MICU3: variants seen among roughly 807,000 people sequenced by gnomAD.
MICU3 encodes mitochondrial calcium uptake 3, also known as calcium uptake protein 3, mitochondrial.
MICU3 carries 62 observed loss-of-function variants against 66.5 expected under a neutral mutation model. The ratio of observed to expected loss-of-function variants is 0.93; its 90% CI spans 0.76 to 1.15. MICU3 has a LOEUF of 1.15. Ranked by LOEUF, MICU3 falls within the 50% of genes most tolerant of loss-of-function variation. The probability of loss-of-function intolerance (pLI) is 0.00; values close to 1 mark genes in which losing one functional copy is unlikely to be tolerated. For synonymous variants in MICU3, 308 were observed against 240.7 expected (o/e 1.28, Z -2.59); for missense variants, 779 against 664.4 (o/e 1.17, Z -1.90).
At chr8:17,105,640 A>G (rs759371725) in intron 11 of MICU3, 56 bp downstream of exon 11, 22 of 1,017,608 alleles carry the variant, frequency 2.2e-5, no homozygotes, top group South Asian at 6.1e-5. Context: ...ACGTGCCTCT[A>G]AAACACATTG....
intron 1 of MICU3, among the ~76,000 whole-genome samples, chr8:17,043,852 A>T (rs1007587219): frequency 6.6e-6 from 1 of 152,248 alleles, no homozygotes; most frequent in Admixed American, 6.5e-5. Context: ...AGAGAAAGGT[A>T]AAATATATCC....
At chr8:17,047,651 C>G (rs892535887) in intron 1 of MICU3, among the ~76,000 whole-genome samples, 4 of 152,158 alleles carry the variant, frequency 2.6e-5, no homozygotes, top group African/African-American at 7.2e-5. Context: ...AGACAGAAGC[C>G]AGAGGACAGT....
chr8:17,027,790 C>T (rs1264672867), intron 1 of MICU3, 130 bp downstream of exon 1: 1 of 1,148,386 alleles, frequency 8.7e-7, no homozygotes, highest in Non-Finnish European at 1.1e-6. Context: ...GTGAGCGAGG[C>T]TGACACCTAG....
At chr8:17,040,358 T>C (rs1432979732) in intron 1 of MICU3, among the ~76,000 whole-genome samples, 3 of 152,220 alleles carry the variant, frequency 2.0e-5, no homozygotes, top group African/African-American at 7.2e-5. Context: ...AGAAATAAAT[T>C]ACAATTTTTC....
At chr8:17,031,257 C>T (rs1272840421) in intron 1 of MICU3, among the ~76,000 whole-genome samples, 1 of 106,272 alleles carries the variant, frequency 9.4e-6, no homozygotes, top group African/African-American at 4.1e-5. Flanking sequence ...TATGCTGCCA[C>T]TTCATTTATT....
At chr8:17,133,809 A>G in the MICU3 span, among the ~76,000 whole-genome samples, 1 of 152,146 alleles carries the variant, frequency 6.6e-6, no homozygotes, top group Non-Finnish European at 1.5e-5. Flanking sequence ...ATTTAAAAAG[A>G]TTTTTACATA....
intron 1 of MICU3, among the ~76,000 whole-genome samples, chr8:17,038,286 C>T (rs1247204090): frequency 6.6e-6 from 1 of 151,998 alleles, no homozygotes; most frequent in East Asian, 1.9e-4. Flanking sequence ...ATAATTGAAT[C>T]GTGGGGGTGG....
chr8:17,101,584 G>T (rs554834669), intron 9 of MICU3, among the ~76,000 whole-genome samples: 1 of 151,806 alleles, frequency 6.6e-6, no homozygotes, highest in Non-Finnish European at 1.5e-5. Context: ...AAAACTGGCC[G>T]AATGAGGTCA....
chr8:17,042,931 ATTTTT>A (rs996846253), intron 1 of MICU3, among the ~76,000 whole-genome samples: 886 of 82,106 alleles, frequency 0.011, 5 homozygotes, highest in African/African-American at 0.046. Context: ...ATTCAAAGTG[ATTTTT>A]TTTTTTTTTT....
At chr8:17,069,166 C>G (rs992252431) in intron 2 of MICU3, among the ~76,000 whole-genome samples, 3 of 151,994 alleles carry the variant, frequency 2.0e-5, no homozygotes, top group East Asian at 3.9e-4. Context: ...ACAAGTTTCC[C>G]CATCACTTTG....
At chr8:17,050,213 C>T (rs903252424) in intron 1 of MICU3, among the ~76,000 whole-genome samples, 1 of 152,038 alleles carries the variant, frequency 6.6e-6, no homozygotes, top group African/African-American at 2.4e-5. Context: ...AGATTTACTT[C>T]TACATGTAGT....
the MICU3 span, among the ~76,000 whole-genome samples, chr8:17,133,275 C>G: frequency 1.3e-5 from 2 of 152,186 alleles, no homozygotes; most frequent in Non-Finnish European, 2.9e-5. Flanking sequence ...TCCAATCAAA[C>G]TGCTCCACTA....
At chr8:17,137,705 CTTTTTTTTTT>C in the MICU3 span, among the ~76,000 whole-genome samples, 1 of 102,884 alleles carries the variant, frequency 9.7e-6, no homozygotes, top group Non-Finnish European at 2.1e-5. Context: ...TTTTCTTTTC[CTTTTTTTTTT>C]TTTTTTTTTT....
intron 1 of MICU3, among the ~76,000 whole-genome samples, chr8:17,034,540 C>G (rs530093802): frequency 1.3e-5 from 2 of 152,292 alleles, no homozygotes; most frequent in African/African-American, 2.4e-5. Context: ...ATTTACCATT[C>G]TAGATGCCAT....
intron 3 of MICU3, among the ~76,000 whole-genome samples, chr8:17,071,730 G>C (rs1466477006): frequency 6.6e-6 from 1 of 152,040 alleles, no homozygotes; most frequent in Non-Finnish European, 1.5e-5. Context: ...ATTGCTACTG[G>C]ATATAACAGC....
In MICU3 at chr8:17,041,472, G is replaced by A. The variant is rs894047635; in HGVS notation, c.381+13812G>A. ...GGAGGTGATAATCAGATTACAGTTG[G>A]ATAAGCTGAGTAAATGTGAAGAAAA... On this transcript the variant is annotated intron_variant, in intron 1 of 14. Coordinates refer to ENST00000318063, the MANE Select transcript of MICU3 (RefSeq NM_181723.3). 9.2e-5 allele frequency among the ~76,000 whole-genome samples: 14 copies of A among 152,262 alleles called. 1 individual carries two copies. The highest frequency in any genetic ancestry group is 2.9e-4 in the African/African-American group (12 of 41,552).
At chr8:17,135,737 T>A in the MICU3 span, among the ~76,000 whole-genome samples, 1 of 152,094 alleles carries the variant, frequency 6.6e-6, no homozygotes, top group African/African-American at 2.4e-5. Context: ...CAAATTAACA[T>A]TTTGCTGTTG....
the MICU3 span, among the ~76,000 whole-genome samples, chr8:17,137,587 C>T: frequency 1.3e-5 from 2 of 150,642 alleles, no homozygotes; most frequent in Non-Finnish European, 2.9e-5. Context: ...ACTATGTAGC[C>T]CATCTTTTCT....
intron 2 of MICU3, among the ~76,000 whole-genome samples, chr8:17,067,509 A>C (rs1818901774): frequency 6.6e-6 from 1 of 151,970 alleles, no homozygotes; most frequent in South Asian, 2.1e-4. Context: ...AGCTCACTGC[A>C]ACCTCCGCTT....
Sources: gnomAD v4.1 joint callset for allele counts (sites outside exome capture counted in the v4.1 genomes callset) on GRCh38, gnomAD v4.1.1 for gene constraint, MANE v1.5 for transcripts, NCBI Gene and HGNC (gene_info 2026-07-23, HGNC 2026-07-21) for gene names.